STIL: variants seen among roughly 807,000 people sequenced by gnomAD.
STIL encodes the protein SCL-interrupting locus protein.
STIL carries 55 observed loss-of-function variants against 110.1 expected under a neutral mutation model. That is an observed-to-expected ratio of 0.50 (90% CI 0.40 to 0.63). The LOEUF (loss-of-function observed/expected upper bound fraction) is 0.63. Among genes scored for constraint, STIL ranks in the 20% least tolerant of loss-of-function variants. The pLI is 0.00. For synonymous variants in STIL, 481 were observed against 530.0 expected (o/e 0.91, Z 1.27); for missense variants, 1,358 against 1,530.0 (o/e 0.89, Z 1.87).
At position 47,269,825 on chromosome 1, in the gene STIL, G is replaced by A. The variant is rs754103869; in HGVS notation, c.2425C>T (p.Pro809Ser). Residue 809 changes from proline (P) to serine (S), a missense_variant, in exon 14 of 17, where the codon CCT (proline) becomes TCT (serine). Coordinates refer to ENST00000371877, the MANE Select transcript of STIL (RefSeq NM_001048166.1). ...FWNAAGEDQE[P>S]DSQMKQDDTK... ...TCATCTTGCTTCATTTGAGAGTCAG[G>A]CTCTTGATCCTCACCTGCTGCATTC... The A allele has an allele frequency of 8.7e-6, 14 of 1,614,166 alleles. No homozygotes were observed. The highest frequency in any genetic ancestry group is 1.2e-5 in the Non-Finnish European group (14 of 1,180,030).
intron 13 of STIL, among the ~76,000 whole-genome samples, chr1:47,270,255 T>C (rs2981632): frequency 0.52 from 61,463 of 119,144 alleles, 16,954 homozygotes; most frequent in South Asian, 0.64. Flanking sequence ...TATATATATA[T>C]ACACACACAC....
Position 47,276,649 on chromosome 1 carries a change from A to C in STIL, c.2217+3592T>G, listed in dbSNP as rs543503474. On this transcript the variant is annotated intron_variant, in intron 12 of 16. Coordinates refer to ENST00000371877, the MANE Select transcript of STIL (RefSeq NM_001048166.1). ...ATGGTGAAACCCCTGTCTCTACTAA[A>C]AATACAAAAATTAACCAGGTGTGGT... Among the ~76,000 whole-genome samples, 356 of 151,786 alleles carry C rather than the reference A, an allele frequency of 2.3e-3. 1 individual carries two copies. Among genetic ancestry groups the C allele is most frequent in the Non-Finnish European group, 3.4e-3 (234 of 67,918 alleles).
intron 2 of STIL, among the ~76,000 whole-genome samples, chr1:47,305,974 A>G (rs1361686841): frequency 5.9e-5 from 7 of 118,490 alleles, no homozygotes; most frequent in Admixed American, 1.8e-4. Context: ...GTCATGATCT[A>G]CCCGCCTCAG....
In STIL at chr1:47,260,354, G is replaced by T. The variant is rs769531920; in HGVS notation, c.3015C>A (p.Ser1005Arg). Reference protein sequence around the residue: ...VLNATLKQLRSLGVKIDSPTK... With the variant: ...VLNATLKQLRRLGVKIDSPTK... ...TGGGAGAATCAATTTTTACTCCAAG[G>T]CTTCTTAGTTGCTTAAGAGTTGCAT... Residue 1005 changes from serine to arginine, a missense_variant, in exon 16 of 17, where the codon AGC (serine) becomes AGA (arginine). Coordinates refer to ENST00000371877, the MANE Select transcript of STIL (RefSeq NM_001048166.1). 2 of 1,613,932 alleles carry T rather than the reference G, an allele frequency of 1.2e-6. No homozygotes were observed. The highest frequency in any genetic ancestry group is 1.1e-5 in the South Asian group (1 of 91,074).
chr1:47,293,199 G>T (rs1317520326), intron 8 of STIL, among the ~76,000 whole-genome samples: 3 of 152,076 alleles, frequency 2.0e-5, no homozygotes, highest in African/African-American at 7.2e-5. Context: ...AATCTCCACA[G>T]TTTTTTTCCA....
intron 16 of STIL, among the ~76,000 whole-genome samples, chr1:47,253,945 G>A (rs770229916): frequency 8.5e-5 from 13 of 152,104 alleles, no homozygotes; most frequent in East Asian, 1.9e-4. Flanking sequence ...TTGGGAGGCC[G>A]AGGTGAGCAG....
chr1:47,265,427 G>A (rs115827915), intron 14 of STIL, among the ~76,000 whole-genome samples: 7,183 of 151,702 alleles, frequency 0.047, 565 homozygotes, highest in African/African-American at 0.16. Flanking sequence ...CTACTTTGGG[G>A]CTCACCCCAT....
chr1:47,270,245 TATATATATATACACACACACAC>T (rs1644788339), intron 13 of STIL, among the ~76,000 whole-genome samples: 1 of 85,646 alleles, frequency 1.2e-5, no homozygotes, highest in African/African-American at 5.1e-5. Flanking sequence ...AAAAAAAATA[TATATATATATACACACACACAC>T]ACACACACAC....
intron 1 of STIL, 106 bp from the exon 2 acceptor site, chr1:47,310,468 AGT>A: frequency 1.5e-6 from 1 of 665,066 alleles, no homozygotes; most frequent in East Asian, 2.9e-5. Context: ...ACTTATATGA[AGT>A]GTGACTATAG....
chr1:47,286,885 A>T (rs1645316921), intron 10 of STIL, among the ~76,000 whole-genome samples: 2 of 152,028 alleles, frequency 1.3e-5, no homozygotes, highest in South Asian at 4.1e-4. Flanking sequence ...TCACCTATAA[A>T]ATGGGAGAAA....
intron 16 of STIL, among the ~76,000 whole-genome samples, chr1:47,259,051 A>C (rs112657655): frequency 1.6e-4 from 20 of 126,938 alleles, no homozygotes; most frequent in African/African-American, 6.0e-4. Context: ...CAGTGGCGCA[A>C]TCTCGGCTCA....
At position 47,287,677 on chromosome 1, in the gene STIL, C is replaced by A; in HGVS notation, c.1024-17G>T. ...TTCAACATTCTGAAATGAAGTAGGT[C>A]ATATTTTGAGATCTGACTTAAATAA... On this transcript the variant is annotated splice_polypyrimidine_tract_variant and intron_variant, in intron 9 of 16. Coordinates refer to ENST00000371877, the MANE Select transcript of STIL (RefSeq NM_001048166.1). The A allele has an allele frequency of 1.3e-6, 2 of 1,589,376 alleles. No individual in the cohort carries two copies. Among genetic ancestry groups the A allele is most frequent in the South Asian group, 2.2e-5 (2 of 90,356 alleles).
At chr1:47,274,077 C>T (rs1200878621) in intron 12 of STIL, among the ~76,000 whole-genome samples, 4 of 135,132 alleles carry the variant, frequency 3.0e-5, no homozygotes, top group Non-Finnish European at 4.7e-5. Flanking sequence ...AGCCAGGTCC[C>T]ATACTAAGTA....
At chr1:47,298,626 G>GA (rs373116736) in intron 6 of STIL, among the ~76,000 whole-genome samples, 1,803 of 132,798 alleles carry the variant, frequency 0.014, 40 homozygotes, top group African/African-American at 0.047. Context: ...TTATAGTTAA[G>GA]AAAAAAAAAA....
chr1:47,268,572 C>A (rs4463720), intron 14 of STIL, among the ~76,000 whole-genome samples: 1 of 151,682 alleles, frequency 6.6e-6, no homozygotes, highest in Non-Finnish European at 1.5e-5. Flanking sequence ...CTGGCCAACA[C>A]GGCGAAACCC....
At chr1:47,255,663 C>T (rs1327907892) in intron 16 of STIL, among the ~76,000 whole-genome samples, 1 of 151,852 alleles carries the variant, frequency 6.6e-6, no homozygotes, top group Admixed American at 6.6e-5. Context: ...AGCCAGGAAG[C>T]AAGGTAAAGA....
At position 47,301,766 on chromosome 1, in the gene STIL, C is replaced by G; in HGVS notation, c.266-18G>C. 1.9e-6 allele frequency: 3 copies of G among 1,611,286 alleles called. No individual in the cohort carries two copies. The highest frequency in any genetic ancestry group is 2.5e-6 in the Non-Finnish European group (3 of 1,178,162). On this transcript the variant is annotated intron_variant, in intron 4 of 16. Transcript: ENST00000371877. ...TTCTTCATCTGTAGAACAAAAATAA[C>G]AGCTATTATACAGCATACTAATTAA...
Position 47,251,345 on chromosome 1 carries a change from C to T in STIL, c.3658G>A (p.Val1220Ile). The T allele has an allele frequency of 2.5e-6, 4 of 1,614,188 alleles. No homozygotes were observed. The highest frequency in any genetic ancestry group is 1.6e-4 in the Middle Eastern group (1 of 6,062). Residue 1220 changes from valine to isoleucine, a missense_variant, in exon 17 of 17, where the codon GTA becomes ATA. Transcript: ENST00000371877. ...GCAGGACTTGGTTTAAGGTTCTTTA[C>T]TAAGAAAGCTGGCTTTTCAGTCAAC... Reference protein sequence around the residue: ...QQLTEKPAFLVKNLKPSPAVN... With the variant: ...QQLTEKPAFLIKNLKPSPAVN...
At chr1:47,292,882 G>A (rs1157788916) in intron 8 of STIL, among the ~76,000 whole-genome samples, 1 of 152,160 alleles carries the variant, frequency 6.6e-6, no homozygotes, top group Non-Finnish European at 1.5e-5. Context: ...ACCCAAGGTA[G>A]ATAAAAATAG....
Sources: gnomAD v4.1 joint callset for allele counts (sites outside exome capture counted in the v4.1 genomes callset) on GRCh38, gnomAD v4.1.1 for gene constraint, MANE v1.5 for transcripts, NCBI Gene and HGNC (gene_info 2026-07-23, HGNC 2026-07-21) for gene names.